DNM3: variants seen among roughly 807,000 people sequenced by gnomAD.
DNM3 encodes dynamin-3.
Under a neutral mutation model 101.6 loss-of-function variants are expected in DNM3, and 47 were observed. The observed-to-expected ratio is 0.46, with a 90% CI of 0.37 to 0.59. The LOEUF (loss-of-function observed/expected upper bound fraction) is 0.59. Among genes scored for constraint, DNM3 ranks in the 20% least tolerant of loss-of-function variants. The pLI is 0.00. For missense variants in DNM3, 849 were observed against 1,085.7 expected (o/e 0.78, Z 3.06); for synonymous variants, 385 against 387.9 (o/e 0.99, Z 0.09).
intron 16 of DNM3, among the ~76,000 whole-genome samples, chr1:172,311,597 G>A (rs12073904): frequency 6.6e-6 from 1 of 152,012 alleles, no homozygotes; most frequent in Non-Finnish European, 1.5e-5. Flanking sequence ...CCCTGTCTCA[G>A]AAACAAAAAC....
At chr1:171,949,976 T>C (rs567311179) in intron 2 of DNM3, among the ~76,000 whole-genome samples, 19 of 152,182 alleles carry the variant, frequency 1.2e-4, no homozygotes, top group African/African-American at 4.6e-4. Flanking sequence ...ACAACTTGAA[T>C]ACAAATAGCC....
At chr1:172,013,468 T>G (rs1036373231) in intron 4 of DNM3, among the ~76,000 whole-genome samples, 2 of 152,088 alleles carry the variant, frequency 1.3e-5, no homozygotes, top group Non-Finnish European at 2.9e-5. Context: ...GGCAGCTCTG[T>G]GAATAGCTTA....
intron 4 of DNM3, among the ~76,000 whole-genome samples, chr1:172,016,997 A>G (rs1442699327): frequency 6.6e-6 from 1 of 152,122 alleles, no homozygotes; most frequent in African/African-American, 2.4e-5. Flanking sequence ...GAATTGGTCC[A>G]TTGTATTTAG....
intron 14 of DNM3, among the ~76,000 whole-genome samples, chr1:172,235,538 C>T (rs544425935): frequency 3.3e-5 from 5 of 152,248 alleles, no homozygotes; most frequent in African/African-American, 9.6e-5. Context: ...TGTAAAGACA[C>T]AGGCAGACGT....
intron 1 of DNM3, among the ~76,000 whole-genome samples, chr1:171,876,116 G>A (rs998643829): frequency 1.3e-5 from 2 of 152,044 alleles, no homozygotes; most frequent in African/African-American, 4.8e-5. Context: ...GCCAAAAAGA[G>A]TTATCTTTTA....
intron 20 of DNM3, among the ~76,000 whole-genome samples, chr1:172,397,848 C>T (rs1338234831): frequency 3.9e-5 from 6 of 152,032 alleles, no homozygotes; most frequent in African/African-American, 1.2e-4. Context: ...TTCTAGGTGA[C>T]TGAAAAACGC....
At chr1:172,263,775 T>G (rs983886730) in intron 15 of DNM3, among the ~76,000 whole-genome samples, 13 of 152,146 alleles carry the variant, frequency 8.5e-5, no homozygotes, top group African/African-American at 2.9e-4. Flanking sequence ...CAAGATGAGA[T>G]TTGGGTGGGG....
At chr1:172,244,727 A>G (rs2061884512) in intron 14 of DNM3, among the ~76,000 whole-genome samples, 2 of 152,200 alleles carry the variant, frequency 1.3e-5, no homozygotes, top group South Asian at 4.1e-4. Flanking sequence ...GAGGATGTGG[A>G]GAAATAGGAA....
At chr1:172,051,524 A>G (rs1272202141) in intron 10 of DNM3, among the ~76,000 whole-genome samples, 3 of 152,182 alleles carry the variant, frequency 2.0e-5, no homozygotes, top group Non-Finnish European at 4.4e-5. Flanking sequence ...TCTTGTTGTC[A>G]TCAAAAAATG....
At chr1:171,918,197 T>G (rs910990365) in intron 1 of DNM3, among the ~76,000 whole-genome samples, 15 of 152,236 alleles carry the variant, frequency 9.9e-5, no homozygotes, top group Non-Finnish European at 2.1e-4. Context: ...ACTGTGGCTG[T>G]GTTATATCAA....
At chr1:172,140,016 A>G (rs1186700962) in intron 14 of DNM3, 1 of 152,062 alleles carries the variant, frequency 6.6e-6, no homozygotes, top group Non-Finnish European at 1.5e-5. Flanking sequence ...AAAAAAACAC[A>G]GTATTGTCCA....
chr1:172,330,516 T>C (rs2066136948), intron 17 of DNM3, among the ~76,000 whole-genome samples: 1 of 152,216 alleles, frequency 6.6e-6, no homozygotes, highest in South Asian at 2.1e-4. Flanking sequence ...AACCTGCATA[T>C]GTACCCCATG....
At chr1:172,219,599 G>A (rs915692753) in intron 14 of DNM3, among the ~76,000 whole-genome samples, 4 of 151,974 alleles carry the variant, frequency 2.6e-5, no homozygotes, top group Admixed American at 1.3e-4. Context: ...GAAGAGGAAA[G>A]TCAGTCAAGG....
intron 4 of DNM3, among the ~76,000 whole-genome samples, chr1:172,003,455 A>G (rs968111185): frequency 6.6e-6 from 1 of 152,016 alleles, no homozygotes; most frequent in African/African-American, 2.4e-5. Context: ...AAAATATGAC[A>G]ATGAAAAAAA....
At position 172,091,259 on chromosome 1, in the gene DNM3, G is replaced by A. The variant is rs534204897; in HGVS notation, c.1494-1565G>A. ...GGATATAGCAGTGAACAAAACAGAC[G>A]CAAACCCCTGCTCATTAGGAGCTTA... On this transcript the variant is annotated intron_variant, in intron 12 of 20. Transcript: ENST00000627582. 3.3e-5 allele frequency among the ~76,000 whole-genome samples: 5 copies of A among 152,260 alleles called. No individual in the cohort carries two copies. The South Asian group carries it at 6.2e-4, about 19-fold the overall frequency.
At chr1:172,405,668 A>C (rs533454030) in intron 20 of DNM3, among the ~76,000 whole-genome samples, 4 of 152,068 alleles carry the variant, frequency 2.6e-5, no homozygotes, top group African/African-American at 9.6e-5. Context: ...TTCTGGTAGA[A>C]TTTCCCTCCT....
chr1:172,018,965 TTCCTTCCCTCCCTCCC>T (rs2047634987), intron 4 of DNM3, among the ~76,000 whole-genome samples: 1 of 149,584 alleles, frequency 6.7e-6, no homozygotes, highest in South Asian at 2.2e-4. Flanking sequence ...TTCCTTCCCC[TTCCTTCCCTCCCTCCC>T]TCCTTCCTTC....
At chr1:171,941,199 C>T (rs139117938) in intron 2 of DNM3, among the ~76,000 whole-genome samples, 168 of 152,138 alleles carry the variant, frequency 1.1e-3, no homozygotes, top group African/African-American at 3.9e-3. Flanking sequence ...TTACACTAAG[C>T]GGGTTATACT....
chr1:172,275,717 T>C (rs2148765658), intron 15 of DNM3, among the ~76,000 whole-genome samples: 1 of 152,230 alleles, frequency 6.6e-6, no homozygotes, highest in East Asian at 1.9e-4. Flanking sequence ...TGTCAGGTGC[T>C]GCTACTCCTT....
Sources: allele counts gnomAD v4.1 joint callset (sites outside exome capture counted in the v4.1 genomes callset), GRCh38; gene constraint gnomAD v4.1.1; transcripts MANE v1.5; gene names NCBI Gene and HGNC (gene_info 2026-07-23, HGNC 2026-07-21).